MARCHF1: variants seen among roughly 807,000 people sequenced by gnomAD.
MARCHF1 encodes the protein membrane associated ring-CH-type finger 1, also known as E3 ubiquitin-protein ligase MARCHF1.
In MARCHF1, 40 loss-of-function variants were observed where a neutral mutation model predicts 54.2. The observed-to-expected ratio is 0.74, with a 90% CI of 0.57 to 0.96. The LOEUF (loss-of-function observed/expected upper bound fraction) is 0.96. MARCHF1 is among the 40% of genes least tolerant of loss of function. The probability of loss-of-function intolerance (pLI) is 0.00; values close to 1 mark genes in which losing one functional copy is unlikely to be tolerated. For synonymous variants in MARCHF1, 236 were observed against 236.3 expected, an observed-to-expected ratio of 1.00 and a Z score of 0.01; for missense variants, 586 against 656.5, an observed-to-expected ratio of 0.89 and a Z score of 1.17.
intron 9 of MARCHF1, among the ~76,000 whole-genome samples, chr4:163,537,158 TCA>T (rs1432370502): frequency 6.6e-6 from 1 of 152,076 alleles, no homozygotes; most frequent in African/African-American, 2.4e-5. Flanking sequence ...TGTGGAAAAC[TCA>T]CTTTAAGGAC....
chr4:164,366,850 A>G (rs1241729295), intron 1 of MARCHF1, among the ~76,000 whole-genome samples: 1 of 151,882 alleles, frequency 6.6e-6, no homozygotes, highest in Admixed American at 6.6e-5. Flanking sequence ...TAATTTTCTT[A>G]TTTCTAAGTG....
intron 3 of MARCHF1, among the ~76,000 whole-genome samples, chr4:163,857,362 A>G (rs1246159087): frequency 6.6e-6 from 1 of 152,184 alleles, no homozygotes. Context: ...CTTCCTACAC[A>G]GGTCTGGAGT....
intron 5 of MARCHF1, among the ~76,000 whole-genome samples, chr4:163,685,353 C>A (rs1579194000): frequency 6.6e-6 from 1 of 152,108 alleles, no homozygotes; most frequent in Non-Finnish European, 1.5e-5. Context: ...TTATCCTATT[C>A]CCCTTCTCAA....
chr4:164,308,564 A>G (rs1437927942), intron 1 of MARCHF1, among the ~76,000 whole-genome samples: 2 of 152,146 alleles, frequency 1.3e-5, no homozygotes, highest in East Asian at 1.9e-4. Flanking sequence ...GAACACCACA[A>G]CTAATTGTGG....
intron 3 of MARCHF1, among the ~76,000 whole-genome samples, chr4:163,888,161 A>G (rs760081109): frequency 1.4e-4 from 21 of 152,188 alleles, no homozygotes; most frequent in Admixed American, 5.2e-4. Context: ...CATTCTGCAG[A>G]TTTATCCTAG....
intron 1 of MARCHF1, among the ~76,000 whole-genome samples, chr4:164,199,704 AGAGAGAGAAG>A (rs753215690): frequency 2.8e-4 from 40 of 140,920 alleles, no homozygotes; most frequent in African/African-American, 1.0e-3. Flanking sequence ...AGAGAGAGAG[AGAGAGAGAAG>A]AGAGGAGAAG....
At chr4:164,266,881 C>A (rs1353276716) in intron 1 of MARCHF1, among the ~76,000 whole-genome samples, 1 of 152,158 alleles carries the variant, frequency 6.6e-6, no homozygotes, top group Non-Finnish European at 1.5e-5. Flanking sequence ...AGCTAAGCAA[C>A]AGAGAAGGTA....
chr4:163,742,579 C>A (rs909005640), intron 4 of MARCHF1, among the ~76,000 whole-genome samples: 1 of 152,000 alleles, frequency 6.6e-6, no homozygotes, highest in Non-Finnish European at 1.5e-5. Context: ...TGGGCTCAAG[C>A]CATCCTCTTG....
At chr4:164,033,178 A>G (rs1177733094) in intron 2 of MARCHF1, among the ~76,000 whole-genome samples, 2 of 142,878 alleles carry the variant, frequency 1.4e-5, no homozygotes, top group Admixed American at 7.2e-5. Flanking sequence ...CATCTCGGGA[A>G]AAAAAAAAAA....
intron 4 of MARCHF1, among the ~76,000 whole-genome samples, chr4:163,720,380 G>C (rs1020483652): frequency 6.6e-6 from 1 of 152,078 alleles, no homozygotes; most frequent in Non-Finnish European, 1.5e-5. Flanking sequence ...CTGTTCCATT[G>C]GTCTATATCT....
At chr4:164,257,158 CTTAAAA>C (rs1441580382) in intron 1 of MARCHF1, among the ~76,000 whole-genome samples, 3 of 152,068 alleles carry the variant, frequency 2.0e-5, no homozygotes, top group Admixed American at 6.6e-5. Context: ...TTAGTTAATA[CTTAAAA>C]TTAAAATGCA....
chr4:164,348,659 T>C (rs577765332), intron 1 of MARCHF1, among the ~76,000 whole-genome samples: 7 of 152,106 alleles, frequency 4.6e-5, no homozygotes, highest in Non-Finnish European at 7.4e-5. Flanking sequence ...GAAATAAAAC[T>C]ATGGACAGAG....
At chr4:164,255,737 T>C (rs901392631) in intron 1 of MARCHF1, among the ~76,000 whole-genome samples, 6 of 152,104 alleles carry the variant, frequency 3.9e-5, no homozygotes, top group Non-Finnish European at 5.9e-5. Flanking sequence ...ATGTACCTTG[T>C]AGAATAGCCT....
intron 1 of MARCHF1, among the ~76,000 whole-genome samples, chr4:164,208,741 T>C (rs1731680558): frequency 6.6e-6 from 1 of 151,792 alleles, no homozygotes; most frequent in East Asian, 1.9e-4. Flanking sequence ...AGCTCTGGAG[T>C]TCAAGAACAG....
intron 1 of MARCHF1, among the ~76,000 whole-genome samples, chr4:164,128,379 G>T (rs1408162794): frequency 2.0e-5 from 3 of 151,750 alleles, no homozygotes; most frequent in Non-Finnish European, 4.4e-5. Context: ...AAACTGAAAA[G>T]CTCTCAGAAA....
intron 1 of MARCHF1, among the ~76,000 whole-genome samples, chr4:164,288,777 C>T (rs1482823021): frequency 6.6e-6 from 1 of 152,018 alleles, no homozygotes; most frequent in African/African-American, 2.4e-5. Flanking sequence ...GAGTGGGAGT[C>T]CTTTTGAAAC....
intron 4 of MARCHF1, among the ~76,000 whole-genome samples, chr4:163,750,756 T>G (rs1250118165): frequency 1.3e-5 from 2 of 152,054 alleles, no homozygotes; most frequent in African/African-American, 4.8e-5. Flanking sequence ...GACAACTTAA[T>G]TCTTGAACAA....
intron 2 of MARCHF1, among the ~76,000 whole-genome samples, chr4:164,024,300 C>T (rs1411142735): frequency 6.6e-6 from 1 of 151,912 alleles, no homozygotes; most frequent in Non-Finnish European, 1.5e-5. Context: ...TCTCCAAGGT[C>T]AACGTGAAAG....
chr4:163,933,948 T>G (rs1031219264), intron 3 of MARCHF1, among the ~76,000 whole-genome samples: 4 of 152,252 alleles, frequency 2.6e-5, no homozygotes, highest in African/African-American at 9.6e-5. Context: ...GGTATTCACT[T>G]TACTGTGTAA....
Sources: gnomAD v4.1 joint callset for allele counts (sites outside exome capture counted in the v4.1 genomes callset) on GRCh38, gnomAD v4.1.1 for gene constraint, MANE v1.5 for transcripts, NCBI Gene and HGNC (gene_info 2026-07-23, HGNC 2026-07-21) for gene names.